The following CLK3 variants were observed in gnomAD, a reference collection of about 807,000 sequenced individuals.
CLK3 encodes CDC like kinase 3.
Under a neutral mutation model 65.2 loss-of-function variants are expected in CLK3, and 24 were observed. The ratio of observed to expected loss-of-function variants is 0.37; its 90% CI spans 0.27 to 0.52. The LOEUF is 0.52. Among genes scored for constraint, CLK3 ranks in the 20% least tolerant of loss-of-function variants. The pLI, the probability that CLK3 is intolerant of heterozygous loss-of-function variation, is 0.92. For missense variants in CLK3, 506 were observed against 660.0 expected, an observed-to-expected ratio of 0.77 and a Z score of 2.56; for synonymous variants, 252 against 240.8, an observed-to-expected ratio of 1.05 and a Z score of -0.43.
rs1166587974 is a variant in CLK3, at chr15:74,615,846, G to A, written c.-53G>A. On this transcript the variant is annotated 5_prime_UTR_variant, in exon 1 of 13. Transcript: ENST00000395066. Reference sequence around the variant, plus strand: ...GCGGAGGTCGCAGCCGGAAGCGGAAGAGGCGCTCGGAGCGGGGAGTGGGGC... The same window carrying A: ...GCGGAGGTCGCAGCCGGAAGCGGAAAAGGCGCTCGGAGCGGGGAGTGGGGC... 1.6e-6 allele frequency: 2 copies of A among 1,253,030 alleles called. No individual in the cohort carries two copies. Among genetic ancestry groups the A allele is most frequent in the Non-Finnish European group, 2.0e-6 (2 of 998,644 alleles). The allele number at this position is 1,253,030 out of a possible 1,614,324, so 77.6% of individuals were successfully genotyped here. A position where few individuals can be genotyped will look rare whatever the true frequency, so the allele number is the denominator to read the frequency against.
At chr15:74,614,634 C>T (rs2062032253), upstream of CLK3, among the ~76,000 whole-genome samples, 1 of 152,246 alleles carries the variant, frequency 6.6e-6, no homozygotes, top group Non-Finnish European at 1.5e-5. Context: ...GAGCCGCTGG[C>T]GAAGGACTTG....
Position 74,629,722 on chromosome 15 carries a change from G to C in CLK3, c.1312G>C (p.Asp438His), listed in dbSNP as rs773175543. 3.1e-6 allele frequency: 5 copies of C among 1,612,708 alleles called. No individual in the cohort carries two copies. Among genetic ancestry groups the C allele is most frequent in the Non-Finnish European group, 4.2e-6 (5 of 1,179,442 alleles). The change falls in exon 13 of 13, where the codon GAC (aspartate) becomes CAC (histidine). Residue 438 changes from aspartate (D) to histidine (H), a missense_variant. Physicochemically the swap from Asp to His is moderately conservative, Grantham distance 81 (BLOSUM62 -1). Coordinates refer to ENST00000395066, the MANE Select transcript of CLK3 (RefSeq NM_001130028.2). ...CKPLKSYMLQ[D>H]SLEHVQLFDL... ...CCCTGAGCAGAGTTACATGCTCCAA[G>C]ACTCCCTGGAGCACGTGCAGCTGTT...
chr15:74,609,299 C>T (rs971279376), intron 1 of CLK3, among the ~76,000 whole-genome samples: 2 of 152,242 alleles, frequency 1.3e-5, no homozygotes, highest in African/African-American at 4.8e-5. Context: ...GGCTTCTCTA[C>T]ACTCCAGGCT....
Position 74,627,423 on chromosome 15 carries a change from G to A in CLK3, c.889G>A (p.Glu297Lys), listed in dbSNP as rs1290591938. The A allele has an allele frequency of 2.5e-6, 4 of 1,614,168 alleles. No individual in the cohort carries two copies. The highest frequency in any genetic ancestry group is 1.7e-6 in the Non-Finnish European group (2 of 1,179,992). The change falls in exon 8 of 13, where the codon GAA becomes AAA. Residue 297 changes from glutamate (E) to lysine (K), a missense_variant. This residue lies in a region of CLK3 where 325 missense variants were observed against 500.5 expected (regional missense o/e 0.65). Coordinates refer to ENST00000395066, the MANE Select transcript of CLK3 (RefSeq NM_001130028.2). The surrounding 1 kb of genome is among the most constrained non-coding windows in gnomAD (Gnocchi z 4.3). ...CATCCTGTTTGTGAATTCTGAGTTT[G>A]AAACCCTCTACAATGAGCACAAGGT... ...ENILFVNSEF[E>K]TLYNEHKSCE...
At chr15:74,629,470 G>A in intron 12 of CLK3, 1 of 573,834 alleles carries the variant, frequency 1.7e-6, no homozygotes, top group Admixed American at 3.0e-5. Context: ...TTGCATGTGG[G>A]GGCAGAGGCA....
chr15:74,620,277 C>G (rs781398684), intron 3 of CLK3, 52 bp downstream of exon 3: 62 of 1,603,600 alleles, frequency 3.9e-5, no homozygotes, highest in Non-Finnish European at 5.1e-5. Context: ...TCATCTCTTC[C>G]TAGCCTTCTC....
Position 74,627,898 on chromosome 15 carries a change from T to TG in CLK3, c.1043-70dup. The TG allele has an allele frequency of 7.7e-7, 1 of 1,306,204 alleles. No individual in the cohort carries two copies. Among genetic ancestry groups the TG allele is most frequent in the Non-Finnish European group, 1.1e-6 (1 of 902,012 alleles). The allele number at this position is 1,306,204 out of a possible 1,614,324, so 80.9% of individuals were successfully genotyped here. A position where few individuals can be genotyped will look rare whatever the true frequency, so the allele number is the denominator to read the frequency against. On this transcript the variant is annotated intron_variant, in intron 9 of 12. Coordinates refer to ENST00000395066, the MANE Select transcript of CLK3 (RefSeq NM_001130028.2). This position sits in a 1 kb window ranked among gnomAD's most constrained non-coding sequence, Gnocchi z 4.3. ...GCAAGAGTCCTGCCAGCCGGTGTGGTGGCTGCCTTGTGACTTCCAGGCTGG... is the reference window on the plus strand; with the variant it reads ...GCAAGAGTCCTGCCAGCCGGTGTGGTGGGCTGCCTTGTGACTTCCAGGCTGG...
At chr15:74,615,425 G>A (rs1342772889), upstream of CLK3, 2 of 1,265,724 alleles carry the variant, frequency 1.6e-6, no homozygotes, top group African/African-American at 1.5e-5. Flanking sequence ...ACCTCAGGCC[G>A]CTCTCGCGCT....
At chr15:74,629,356 G>A (rs1008743285) in intron 12 of CLK3, 2 of 529,866 alleles carry the variant, frequency 3.8e-6, no homozygotes, top group East Asian at 3.4e-5. Context: ...ACTGAGGTGA[G>A]GGGGAGGGAA....
At chr15:74,620,590 CTA>C in intron 3 of CLK3, 2 of 328,790 alleles carry the variant, frequency 6.1e-6, no homozygotes, top group Non-Finnish European at 1.1e-5. Context: ...TGGTCTGCAG[CTA>C]TATGGCCTGG....
In CLK3 at chr15:74,624,989, A is replaced by T; in HGVS notation, c.621A>T (p.Lys207Asn). ...GGCTAGAAATCAACGTGCTCAAAAA[A>T]ATCAAGGAGAAGGACAAAGAAAACA... ...AARLEINVLK[K>N]IKEKDKENKF... Residue 207 changes from lysine to asparagine, a missense_variant, in exon 6 of 13, where the codon AAA (lysine) becomes AAT (asparagine). Coordinates refer to ENST00000395066, the MANE Select transcript of CLK3 (RefSeq NM_001130028.2). The surrounding 1 kb of genome is among the most constrained non-coding windows in gnomAD (Gnocchi z 4.2). The T allele has an allele frequency of 1.2e-6, 2 of 1,613,940 alleles. No homozygotes were observed.
chr15:74,615,579 G>C, upstream of CLK3: 1 of 1,265,790 alleles, frequency 7.9e-7, no homozygotes, highest in South Asian at 2.7e-5. Flanking sequence ...CAGCCGGCCC[G>C]GGCCGCGCAC....
chr15:74,626,085 G>A, intron 7 of CLK3, 117 bp downstream of exon 7: 3 of 1,168,846 alleles, frequency 2.6e-6, no homozygotes, highest in Non-Finnish European at 3.7e-6. Flanking sequence ...TGGGCCTGAG[G>A]GACACCAGAT....
At position 74,627,755 on chromosome 15, in the gene CLK3, C is replaced by T; in HGVS notation, c.1042+87C>T. On this transcript the variant is annotated intron_variant, in intron 9 of 12. Coordinates refer to ENST00000395066, the MANE Select transcript of CLK3 (RefSeq NM_001130028.2). This position sits in a 1 kb window ranked among gnomAD's most constrained non-coding sequence, Gnocchi z 4.3. ...GAGGCAGTGGCATGCCTGTCATTCTCTGCCACCCAGGGCAGGCAGAGTTTC... is the reference window on the plus strand; with the variant it reads ...GAGGCAGTGGCATGCCTGTCATTCTTTGCCACCCAGGGCAGGCAGAGTTTC... 6.4e-7 allele frequency: 1 copy of T among 1,573,196 alleles called. No homozygotes were observed. Among genetic ancestry groups the T allele is most frequent in the Non-Finnish European group, 8.7e-7 (1 of 1,148,566 alleles).
chr15:74,624,732 G>T lies in CLK3; in HGVS notation c.534-170G>T, dbSNP rs550090014. ...GATCTCAGGGAGCTTGCTGTTGGGT[G>T]GGCAAAGGTCTGGTGTTGCATGGGG... On this transcript the variant is annotated intron_variant, in intron 5 of 12. Transcript: ENST00000395066. The surrounding 1 kb of genome is among the most constrained non-coding windows in gnomAD (Gnocchi z 4.2). The T allele has an allele frequency of 2.8e-4, 170 of 613,244 alleles. No individual in the cohort carries two copies. Among genetic ancestry groups the T allele is most frequent in the Non-Finnish European group, 1.6e-4 (53 of 335,564 alleles). The allele number at this position is 613,244 out of a possible 1,614,324, so 38.0% of individuals were successfully genotyped here.
upstream of CLK3, chr15:74,615,266 A>G (rs1268572679): frequency 3.6e-5 from 16 of 449,104 alleles, no homozygotes; most frequent in Non-Finnish European, 7.3e-6. Flanking sequence ...GCTCTAGGGT[A>G]TCTTCCCAGA....
At chr15:74,614,063 C>T (rs1306768765), upstream of CLK3, among the ~76,000 whole-genome samples, 1 of 152,198 alleles carries the variant, frequency 6.6e-6, no homozygotes, top group Non-Finnish European at 1.5e-5. Context: ...GCGCAGGCTG[C>T]AGTGAAGTGG....
In CLK3 at chr15:74,627,812, G is replaced by A; in HGVS notation, c.1042+144G>A. 7.7e-7 allele frequency: 1 copy of A among 1,299,564 alleles called. No individual in the cohort carries two copies. Among genetic ancestry groups the A allele is most frequent in the East Asian group, 2.3e-5 (1 of 43,180 alleles). 80.5% of individuals were successfully genotyped at this position (1,299,564 alleles called of 1,614,324 possible). A position where few individuals can be genotyped will look rare whatever the true frequency, so the allele number is the denominator to read the frequency against. On this transcript the variant is annotated intron_variant, in intron 9 of 12. Transcript: ENST00000395066. The surrounding 1 kb of genome is among the most constrained non-coding windows in gnomAD (Gnocchi z 4.3). ...CAAGGGGCCAGTGTCATGAGACACA[G>A]GTGACTGACCTGGCTTTATCTGTCA... is the stretch of plus-strand genomic sequence containing the variant.
At chr15:74,615,310 C>A, upstream of CLK3, 1 of 738,492 alleles carries the variant, frequency 1.4e-6, no homozygotes, top group Non-Finnish European at 1.9e-6. Context: ...GCTGGGAGCG[C>A]CACCACGGCT....
Sources: gnomAD v4.1 joint callset for allele counts (sites outside exome capture counted in the v4.1 genomes callset) on GRCh38, gnomAD v4.1.1 for gene constraint, gnomAD v4.1.1 regional missense constraint, Gnocchi (gnomAD v3.1) non-coding constraint, MANE v1.5 for transcripts, NCBI Gene and HGNC (gene_info 2026-07-23, HGNC 2026-07-21) for gene names.